The following ANO4 variants were observed in gnomAD, a reference collection of about 807,000 sequenced individuals.
ANO4 encodes anoctamin 4.
Under a neutral mutation model 141.9 loss-of-function variants are expected in ANO4, and 69 were observed. That is an observed-to-expected ratio of 0.49 (90% confidence interval 0.40 to 0.59). The LOEUF (loss-of-function observed/expected upper bound fraction) is 0.59. Among genes scored for constraint, ANO4 ranks in the 20% least tolerant of loss-of-function variants. The probability of loss-of-function intolerance (pLI) is 0.00; values close to 1 mark genes in which losing one functional copy is unlikely to be tolerated. For missense variants in ANO4, 894 were observed against 1,162.2 expected (o/e 0.77, Z 3.36); for synonymous variants, 350 against 394.3 (o/e 0.89, Z 1.33).
intron 2 of ANO4, among the ~76,000 whole-genome samples, chr12:100,905,677 T>G (rs190763926): frequency 6.6e-6 from 1 of 152,246 alleles, no homozygotes; most frequent in Non-Finnish European, 1.5e-5. Context: ...AGTTTTGCTA[T>G]GAAGTGTAGT....
intron 1 of ANO4, among the ~76,000 whole-genome samples, chr12:100,825,539 A>G (rs1378467953): frequency 3.3e-5 from 5 of 152,092 alleles, no homozygotes; most frequent in Admixed American, 1.3e-4. Context: ...TCTAAGGAGC[A>G]GAACAGACAT....
intron 9 of ANO4, among the ~76,000 whole-genome samples, chr12:101,031,966 A>T (rs2046993262): frequency 6.6e-6 from 1 of 152,212 alleles, no homozygotes; most frequent in African/African-American, 2.4e-5. Flanking sequence ...TTCCATCCTC[A>T]TGGACAGGAA....
At chr12:100,853,113 A>T (rs1387540374) in intron 1 of ANO4, among the ~76,000 whole-genome samples, 1 of 152,164 alleles carries the variant, frequency 6.6e-6, no homozygotes, top group African/African-American at 2.4e-5. Context: ...CTGCCTGTTC[A>T]AGTCTCTTGA....
At chr12:101,048,519 C>A in intron 14 of ANO4, 118 bp downstream of exon 14, 1 of 849,260 alleles carries the variant, frequency 1.2e-6, no homozygotes, top group Non-Finnish European at 1.8e-6. Context: ...ATTAGCTTTC[C>A]TATTAGTAGA....
chr12:100,941,226 A>G (rs1488987208), intron 4 of ANO4, among the ~76,000 whole-genome samples: 3 of 151,984 alleles, frequency 2.0e-5, no homozygotes, highest in Non-Finnish European at 4.4e-5. Flanking sequence ...AAAAAAAAAA[A>G]AGAGAAACAC....
intron 1 of ANO4, among the ~76,000 whole-genome samples, chr12:100,828,332 A>C (rs1026449983): frequency 1.3e-5 from 2 of 152,018 alleles, no homozygotes; most frequent in African/African-American, 4.8e-5. Flanking sequence ...TGGAAACCTC[A>C]TTCCTATTTT....
rs578059356 is a variant in ANO4, at chr12:100,810,606, G to T, written c.-141+15579G>T. On this transcript the variant is annotated intron_variant, in intron 1 of 27. Transcript: ENST00000392977. The stretch of plus-strand genomic sequence containing the variant: ...GATGATGGACCAGGATAGTGATTCT[G>T]GAGGTGGTGAGAGGTGGTAGAACTA... 2.6e-5 allele frequency among the ~76,000 whole-genome samples: 4 copies of T among 152,276 alleles called. No homozygotes were observed. In the South Asian group the frequency reaches 8.3e-4, roughly 32 times the overall value.
At chr12:100,944,512 A>C (rs1384297258) in intron 5 of ANO4, among the ~76,000 whole-genome samples, 1 of 151,970 alleles carries the variant, frequency 6.6e-6, no homozygotes, top group African/African-American at 2.4e-5. Context: ...TTCCCCCAAA[A>C]GTTCTTCTCT....
At chr12:101,025,436 G>T (rs2046694743) in intron 9 of ANO4, among the ~76,000 whole-genome samples, 1 of 152,202 alleles carries the variant, frequency 6.6e-6, no homozygotes, top group South Asian at 2.1e-4. Flanking sequence ...GTACCGGAAG[G>T]CAGCGAGAGT....
intron 17 of ANO4, among the ~76,000 whole-genome samples, chr12:101,092,145 G>C (rs1385122327): frequency 2.0e-5 from 3 of 151,386 alleles, no homozygotes; most frequent in African/African-American, 7.3e-5. Flanking sequence ...AGACTAAAAA[G>C]TTATTATCAT....
intron 9 of ANO4, among the ~76,000 whole-genome samples, chr12:101,032,511 A>G (rs1439332976): frequency 1.3e-5 from 2 of 152,236 alleles, no homozygotes; most frequent in African/African-American, 4.8e-5. Context: ...AAAAGAAACT[A>G]CCATCAGAGT....
chr12:100,931,140 A>T (rs1420066088), intron 3 of ANO4, among the ~76,000 whole-genome samples: 1 of 152,166 alleles, frequency 6.6e-6, no homozygotes, highest in African/African-American at 2.4e-5. Flanking sequence ...TTGAAGAATA[A>T]TGAGCATCTA....
chr12:100,977,533 A>T (rs1022065382), intron 7 of ANO4, among the ~76,000 whole-genome samples: 4 of 152,098 alleles, frequency 2.6e-5, no homozygotes, highest in Non-Finnish European at 4.4e-5. Context: ...AAATGTAAAT[A>T]AAAAAAACCT....
intron 20 of ANO4, 41 bp from the exon 21 acceptor site, chr12:101,097,807 C>G: frequency 6.2e-7 from 1 of 1,607,900 alleles, no homozygotes; most frequent in Non-Finnish European, 8.5e-7. Flanking sequence ...CTTTCTTCCT[C>G]TCCATTGATT....
chr12:100,776,622 A>C (rs10860632), intron 3 of ANO4, among the ~76,000 whole-genome samples: 93,182 of 151,988 alleles, frequency 0.61, 28,785 homozygotes, highest in East Asian at 0.72. Flanking sequence ...TGCCATAAAA[A>C]TAATGGTAGC....
intron 17 of ANO4, among the ~76,000 whole-genome samples, chr12:101,089,323 T>C (rs2049646763): frequency 6.6e-6 from 1 of 152,072 alleles, no homozygotes; most frequent in African/African-American, 2.4e-5. Context: ...AACATCTTTA[T>C]TATTTTAGGA....
chr12:100,825,875 T>A (rs1317595806), intron 1 of ANO4, among the ~76,000 whole-genome samples: 1 of 152,052 alleles, frequency 6.6e-6, no homozygotes, highest in Non-Finnish European at 1.5e-5. Flanking sequence ...CATGGAGGAT[T>A]TAAGTGTTAT....
intron 14 of ANO4, chr12:101,066,768 A>C: frequency 1.0e-6 from 1 of 978,948 alleles, no homozygotes; most frequent in Non-Finnish European, 1.7e-6. Flanking sequence ...CAGCAGCAGG[A>C]GGAGGACCAC....
At chr12:100,796,881 G>A (rs561558020) in intron 1 of ANO4, among the ~76,000 whole-genome samples, 39 of 152,058 alleles carry the variant, frequency 2.6e-4, no homozygotes, top group African/African-American at 8.9e-4. Context: ...TATAGTGCCT[G>A]GTAACTCAAC....
Sources: gnomAD v4.1 joint callset for allele counts (sites outside exome capture counted in the v4.1 genomes callset) on GRCh38, gnomAD v4.1.1 for gene constraint, MANE v1.5 for transcripts, NCBI Gene and HGNC (gene_info 2026-07-23, HGNC 2026-07-21) for gene names.